The following DLGAP2 variants were observed in gnomAD, a reference collection of about 807,000 sequenced individuals.
DLGAP2 encodes the protein disks large-associated protein 2.
In DLGAP2, 26 loss-of-function variants were observed where a neutral mutation model predicts 100.3. The ratio of observed to expected loss-of-function variants is 0.26; its 90% CI spans 0.19 to 0.36. The LOEUF is 0.36. DLGAP2 is among the 10% of genes least tolerant of loss of function. The probability of loss-of-function intolerance (pLI) is 1.00; values close to 1 mark genes in which losing one functional copy is unlikely to be tolerated. For missense variants in DLGAP2, 1,858 were observed against 1,453.2 expected, an observed-to-expected ratio of 1.28 and a Z score of -4.53; for synonymous variants, 886 against 630.1, an observed-to-expected ratio of 1.41 and a Z score of -6.08.
intron 2 of DLGAP2, among the ~76,000 whole-genome samples, chr8:1,115,769 C>A (rs190393248): frequency 6.6e-6 from 1 of 152,158 alleles, no homozygotes; most frequent in Non-Finnish European, 1.5e-5. Flanking sequence ...CAGCGGTCAG[C>A]CACACTCATT....
intron 2 of DLGAP2, among the ~76,000 whole-genome samples, chr8:924,205 A>G (rs530075797): frequency 6.6e-6 from 1 of 152,258 alleles, no homozygotes; most frequent in East Asian, 1.9e-4. Context: ...GCCACTGCTG[A>G]TTATGTCTTG....
chr8:1,526,113 T>C (rs1398139370), intron 4 of DLGAP2, among the ~76,000 whole-genome samples: 3 of 151,186 alleles, frequency 2.0e-5, no homozygotes, highest in Admixed American at 6.6e-5. Context: ...GGAGTAACAA[T>C]GTAATGACAA....
chr8:1,676,457 CA>C, intron 10 of DLGAP2, 75 bp from the exon 11 acceptor site: 9 of 1,464,106 alleles, frequency 6.1e-6, no homozygotes, highest in Non-Finnish European at 8.4e-6. Context: ...ACAGCAAATC[CA>C]CAACAACAAC....
At chr8:1,217,191 A>G (rs1228991583) in intron 2 of DLGAP2, among the ~76,000 whole-genome samples, 1 of 152,140 alleles carries the variant, frequency 6.6e-6, no homozygotes, top group Non-Finnish European at 1.5e-5. Flanking sequence ...GCTCTCAATT[A>G]TCAGGGAGAA....
chr8:747,125 G>A (rs967832244), intron 1 of DLGAP2, among the ~76,000 whole-genome samples: 3 of 152,008 alleles, frequency 2.0e-5, no homozygotes, highest in Non-Finnish European at 2.9e-5. Flanking sequence ...CTGGAAAGCC[G>A]GCCTGTCCTA....
intron 2 of DLGAP2, among the ~76,000 whole-genome samples, chr8:996,775 G>A (rs1331584174): frequency 1.3e-5 from 2 of 152,146 alleles, no homozygotes; most frequent in Non-Finnish European, 2.9e-5. Flanking sequence ...AAGAGGAAGT[G>A]AGGAGAATCA....
intron 2 of DLGAP2, among the ~76,000 whole-genome samples, chr8:1,024,187 G>T (rs1010605660): frequency 8.9e-6 from 1 of 112,610 alleles, no homozygotes; most frequent in African/African-American, 2.7e-5. Flanking sequence ...GGGGTGGACA[G>T]TTCCGTGCCG....
rs535177040 is a variant in DLGAP2, at chr8:762,099, C to G, written c.18+24274C>G. 1.1e-4 allele frequency among the ~76,000 whole-genome samples: 17 copies of G among 152,322 alleles called. No individual in the cohort carries two copies. In the South Asian group the frequency reaches 3.5e-3, roughly 32 times the overall value. On this transcript the variant is annotated intron_variant, in intron 1 of 14. Transcript: ENST00000637795. ...GCTGTGCTATGTAACTGTCACAGAA[C>G]TCCTGTGTGTCTCTTTGTGAGCAAA...
intron 4 of DLGAP2, among the ~76,000 whole-genome samples, chr8:1,544,626 G>T (rs1801470307): frequency 6.6e-6 from 1 of 152,072 alleles, no homozygotes; most frequent in Non-Finnish European, 1.5e-5. Context: ...TACATTGATT[G>T]ATTTTCCTAT....
intron 3 of DLGAP2, among the ~76,000 whole-genome samples, chr8:1,443,317 T>C (rs1465144381): frequency 6.6e-6 from 1 of 152,048 alleles, no homozygotes; most frequent in East Asian, 1.9e-4. Context: ...CGGGTAACAT[T>C]TGGATGTTAA....
chr8:762,436 C>G (rs1821110471), intron 1 of DLGAP2, among the ~76,000 whole-genome samples: 1 of 152,180 alleles, frequency 6.6e-6, no homozygotes, highest in African/African-American at 2.4e-5. Flanking sequence ...GGGATGAAAT[C>G]TTTGGCTCAA....
At chr8:1,127,670 T>C (rs1246132840) in intron 2 of DLGAP2, among the ~76,000 whole-genome samples, 2 of 152,144 alleles carry the variant, frequency 1.3e-5, no homozygotes, top group Non-Finnish European at 2.9e-5. Context: ...TGCAGAACCC[T>C]GGAGGGGAGA....
chr8:837,020 AAC>A (rs1191224378), intron 1 of DLGAP2, among the ~76,000 whole-genome samples: 3 of 152,218 alleles, frequency 2.0e-5, no homozygotes, highest in East Asian at 3.9e-4. Context: ...CATGGTTAGA[AAC>A]ACAGATTCTG....
At chr8:1,290,408 G>C (rs892172938) in intron 3 of DLGAP2, among the ~76,000 whole-genome samples, 41 of 152,304 alleles carry the variant, frequency 2.7e-4, no homozygotes, top group African/African-American at 8.7e-4. Flanking sequence ...TGTCTGACCA[G>C]CACACCTGCA....
intron 2 of DLGAP2, among the ~76,000 whole-genome samples, chr8:1,115,396 AT>A (rs1477777033): frequency 6.6e-6 from 1 of 152,208 alleles, no homozygotes; most frequent in African/African-American, 2.4e-5. Flanking sequence ...TATATTTAGA[AT>A]AGTTAGGCCT....
intron 1 of DLGAP2, among the ~76,000 whole-genome samples, chr8:823,299 G>A (rs1405587128): frequency 8.5e-5 from 11 of 129,512 alleles, no homozygotes; most frequent in South Asian, 5.5e-4. Context: ...GTTGTAAGGC[G>A]AGCTTGAATT....
At chr8:1,240,342 A>G (rs62487811) in intron 2 of DLGAP2, among the ~76,000 whole-genome samples, 138,589 of 142,564 alleles carry the variant, frequency 0.97, 67,363 homozygotes, top group Middle Eastern at 1. Context: ...CTCACACATA[A>G]CGTCATGTCT....
intron 3 of DLGAP2, among the ~76,000 whole-genome samples, chr8:1,292,613 G>A (rs1182649586): frequency 6.6e-6 from 1 of 152,158 alleles, no homozygotes. Flanking sequence ...AAAGTAGGTT[G>A]AGCAAAAAGA....
At chr8:1,693,584 G>C (rs998854073) in intron 13 of DLGAP2, among the ~76,000 whole-genome samples, 1 of 152,024 alleles carries the variant, frequency 6.6e-6, no homozygotes, top group South Asian at 2.1e-4. Flanking sequence ...TGTTTTCCTT[G>C]GCTTTTTCAC....
Sources: allele counts gnomAD v4.1 joint callset (sites outside exome capture counted in the v4.1 genomes callset), GRCh38; gene constraint gnomAD v4.1.1; transcripts MANE v1.5; gene names NCBI Gene and HGNC (gene_info 2026-07-23, HGNC 2026-07-21).